The following ZNF512B variants were observed in gnomAD, a reference collection of about 807,000 sequenced individuals.
ZNF512B encodes zinc finger protein 512B.
ZNF512B carries 22 observed loss-of-function variants against 87.8 expected under a neutral mutation model. That is an observed-to-expected ratio of 0.25 (90% CI 0.18 to 0.36). The LOEUF (loss-of-function observed/expected upper bound fraction) is 0.36, where lower values mean the gene tolerates loss of function less well. Ranked by LOEUF, ZNF512B falls within the 10% of genes least tolerant of loss-of-function variation. ZNF512B has a pLI of 1.00. For synonymous variants in ZNF512B, 524 were observed against 490.9 expected, an observed-to-expected ratio of 1.07 and a Z score of -0.89; for missense variants, 1,060 against 1,231.6, an observed-to-expected ratio of 0.86 and a Z score of 2.09.
Position 63,961,072 on chromosome 20 carries a change from G to A in ZNF512B, c.2427+237C>T, listed in dbSNP as rs116678499. ...AGCACCTGCAGCAGGGCTGCTGGGG[G>A]CTGGAAAGGCGGACACCCCGAGGGC... On this transcript the variant is annotated intron_variant, in intron 16 of 16. Coordinates refer to ENST00000369888, the MANE Select transcript of ZNF512B (RefSeq NM_020713.3). The surrounding 1 kb of genome is among the most constrained non-coding windows in gnomAD (Gnocchi z 6.4). Among the ~76,000 whole-genome samples, 839 of 152,344 alleles carry A rather than the reference G, an allele frequency of 5.5e-3. 7 individuals are homozygous for A. Among genetic ancestry groups the A allele is most frequent in the African/African-American group, 0.018 (735 of 41,580 alleles).
In ZNF512B at chr20:63,963,835, CG is replaced by C; in HGVS notation, c.1558del (p.Arg520GlyfsTer69). On this transcript the variant is annotated frameshift_variant, in exon 9 of 17. Transcript: ENST00000369888. LOFTEE classifies it high-confidence loss of function. ...CTTCTTAAGCCCCACGAGAGTCTTC[CG>C]GGTGACCACGTTGCAGGTGGGGCAG... is the stretch of plus-strand genomic sequence containing the variant. ...AVCPTCNVVT[R>X]KTLVGLKKHM... 1 of 1,612,862 alleles carries C rather than the reference CG, an allele frequency of 6.2e-7. No homozygotes were observed. Among genetic ancestry groups the C allele is most frequent in the Non-Finnish European group, 8.5e-7 (1 of 1,180,002 alleles).
Position 63,961,010 on chromosome 20 carries a change from C to G in ZNF512B, c.2427+299G>C, listed in dbSNP as rs972534638. 2.0e-5 allele frequency among the ~76,000 whole-genome samples: 3 copies of G among 151,486 alleles called. No homozygotes were observed. The highest frequency in any genetic ancestry group is 4.4e-5 in the Non-Finnish European group (3 of 67,826). The stretch of plus-strand genomic sequence containing the variant: ...ACAGCCTTCGGGACCAGGCAAGCAC[C>G]TGCAGCAGGGCTGGACACAGCCTTC... On this transcript the variant is annotated intron_variant, in intron 16 of 16. Coordinates refer to ENST00000369888, the MANE Select transcript of ZNF512B (RefSeq NM_020713.3). This position sits in a 1 kb window ranked among gnomAD's most constrained non-coding sequence, Gnocchi z 6.4.
chr20:63,966,253 C>G lies in ZNF512B; in HGVS notation c.922G>C (p.Val308Leu), dbSNP rs762623240. 3 of 1,613,938 alleles carry G rather than the reference C, an allele frequency of 1.9e-6. No individual in the cohort carries two copies. The highest frequency in any genetic ancestry group is 4.5e-5 in the East Asian group (2 of 44,902). The change falls in exon 5 of 17, where the codon GTC becomes CTC. Residue 308 changes from valine to leucine, a missense_variant. By Grantham distance (32) the Val-to-Leu change is conservative (BLOSUM62 1). This residue lies in a region of ZNF512B where 201 missense variants were observed against 226.8 expected (regional missense o/e 0.89). Transcript: ENST00000369888. ...CTGCTGATAGCAATGGGCCTGCTGA[C>G]TGTCACCGGCTTGCTGACCACAATG... ...RPIVVSKPVT[V>L]SRPIAISRHT...
chr20:63,968,450 G>C (rs541608592), intron 1 of ZNF512B, among the ~76,000 whole-genome samples: 1 of 152,348 alleles, frequency 6.6e-6, no homozygotes, highest in African/African-American at 2.4e-5. Context: ...AGGCCCAGCA[G>C]TGGGGGCACA....
At chr20:63,967,798 C>A (rs1296699091) in intron 2 of ZNF512B, 32 bp downstream of exon 2, 2 of 1,599,956 alleles carry the variant, frequency 1.3e-6, no homozygotes. Context: ...CCAGAACCAT[C>A]TGGAATTGAC....
At position 63,962,677 on chromosome 20, in the gene ZNF512B, C is replaced by A. The variant is rs747303829; in HGVS notation, c.2073G>T (p.Val691=). Reference sequence around the variant, plus strand: ...CCTCCGCTATCTCCTGCAGGTGGAACACCGCCACCTGGGCCGACGTGCGGC... The same window carrying A: ...CCTCCGCTATCTCCTGCAGGTGGAAAACCGCCACCTGGGCCGACGTGCGGC... ...RVRRTSAQVA[V]FHLQEIAEDE... is the part of the protein sequence containing the mutation. The change falls in exon 13 of 17, where the codon GTG becomes GTT. Residue 691 remains valine (V), a synonymous_variant. Transcript: ENST00000369888. 1 of 1,605,238 alleles carries A rather than the reference C, an allele frequency of 6.2e-7. No individual in the cohort carries two copies. Among genetic ancestry groups the A allele is most frequent in the Non-Finnish European group, 8.5e-7 (1 of 1,177,290 alleles).
chr20:63,968,084 G>T (rs1007536575), intron 1 of ZNF512B, 132 bp from the exon 2 acceptor site: 3 of 1,214,292 alleles, frequency 2.5e-6, no homozygotes, highest in African/African-American at 1.5e-5. Context: ...CTGTGGTTTT[G>T]TTCACGTGGG....
chr20:63,968,846 T>G (rs2058953388), intron 1 of ZNF512B, among the ~76,000 whole-genome samples: 1 of 152,244 alleles, frequency 6.6e-6, no homozygotes, highest in Non-Finnish European at 1.5e-5. Flanking sequence ...CCCGAGGGCC[T>G]GTGCTGCTGG....
In ZNF512B at chr20:63,966,903, G is replaced by A; in HGVS notation, c.366C>T (p.Leu122=). 6.2e-7 allele frequency: 1 copy of A among 1,613,858 alleles called. No individual in the cohort carries two copies. Residue 122 remains leucine (L), a synonymous_variant, in exon 4 of 17, where the codon CTC becomes CTT. Coordinates refer to ENST00000369888, the MANE Select transcript of ZNF512B (RefSeq NM_020713.3). ...CTTGGCACCGCTGGTAATGGTACTTGAGCCCGTAGATGCTGGGGAACTCCA... is the reference window on the plus strand; with the variant it reads ...CTTGGCACCGCTGGTAATGGTACTTAAGCCCGTAGATGCTGGGGAACTCCA... ...CWLEFPSIYG[L]KYHYQRCQGG...
chr20:63,963,960 G>T, intron 8 of ZNF512B, 47 bp from the exon 9 acceptor site: 1 of 1,601,828 alleles, frequency 6.2e-7, no homozygotes, highest in Non-Finnish European at 8.5e-7. Context: ...GCTGCTGGGT[G>T]GCCCAGACGC....
In ZNF512B at chr20:63,961,180, C is replaced by T; in HGVS notation, c.2427+129G>A. 1.3e-6 allele frequency: 1 copy of T among 789,240 alleles called. No individual in the cohort carries two copies. The highest frequency in any genetic ancestry group is 2.2e-5 in the Admixed American group (1 of 45,614). The allele number at this position is 789,240 out of a possible 1,614,324, so 48.9% of individuals were successfully genotyped here. ...GAGGAGAAACTACCAGATTTCTCCA[C>T]ATTGGCCACTCTCCCAGGCACACCC... On this transcript the variant is annotated intron_variant, in intron 16 of 16. Coordinates refer to ENST00000369888, the MANE Select transcript of ZNF512B (RefSeq NM_020713.3). This position sits in a 1 kb window ranked among gnomAD's most constrained non-coding sequence, Gnocchi z 6.4.
chr20:63,967,441 C>T lies in ZNF512B; in HGVS notation c.204G>A (p.Lys68=), dbSNP rs766367338. ...GCCGCCCCTTTTTCTTCCCTTCTGTCTTGTCACTGGCTGGACTTCCCGGGT... is the reference window on the plus strand; with the variant it reads ...GCCGCCCCTTTTTCTTCCCTTCTGTTTTGTCACTGGCTGGACTTCCCGGGT... ...CFDPGSPASD[K]TEGKKKGRPK... The change falls in exon 3 of 17, where the codon AAG becomes AAA. Residue 68 remains lysine, a synonymous_variant. Transcript: ENST00000369888. 2 of 1,613,462 alleles carry T rather than the reference C, an allele frequency of 1.2e-6. No homozygotes were observed. Among genetic ancestry groups the T allele is most frequent in the South Asian group, 2.2e-5 (2 of 91,038 alleles).
chr20:63,959,792 GAT>G lies in ZNF512B; in HGVS notation c.*94_*95del. 6.9e-7 allele frequency: 1 copy of G among 1,447,782 alleles called. No individual in the cohort carries two copies. Among genetic ancestry groups the G allele is most frequent in the Non-Finnish European group, 9.1e-7 (1 of 1,099,670 alleles). 89.7% of individuals were successfully genotyped at this position (1,447,782 alleles called of 1,614,324 possible). A position where few individuals can be genotyped will look rare whatever the true frequency, so the allele number is the denominator to read the frequency against. On this transcript the variant is annotated 3_prime_UTR_variant, in exon 17 of 17. Coordinates refer to ENST00000369888, the MANE Select transcript of ZNF512B (RefSeq NM_020713.3). ...GACGGATGAAGAGGCGGGGGTGGGG[GAT>G]GGAGAACTGGAGGACAGAGGTCCCG... is the stretch of plus-strand genomic sequence containing the variant.
rs756114360 is a variant in ZNF512B at position 63,964,159 on chromosome 20, T to C, written c.1392A>G (p.Pro464=). ...RVHRSKKQEG[P]GPEDARKKVP... ...CCTTCTTCCGGGCGTCCTCAGGGCCTGGCCCCTCCTGCTTCTTGGAGCGGT... is the reference window on the plus strand; with the variant it reads ...CCTTCTTCCGGGCGTCCTCAGGGCCCGGCCCCTCCTGCTTCTTGGAGCGGT... The change falls in exon 8 of 17, where the codon CCA becomes CCG. Residue 464 remains proline (P), a synonymous_variant. Coordinates refer to ENST00000369888, the MANE Select transcript of ZNF512B (RefSeq NM_020713.3). 9 of 1,601,022 alleles carry C rather than the reference T, an allele frequency of 5.6e-6. No individual in the cohort carries two copies. The highest frequency in any genetic ancestry group is 3.4e-5 in the South Asian group (3 of 89,242).
chr20:63,963,125 G>T lies in ZNF512B; in HGVS notation c.1938C>A (p.Asp646Glu). 6.4e-7 allele frequency: 1 copy of T among 1,559,202 alleles called. No individual in the cohort carries two copies. Among genetic ancestry groups the T allele is most frequent in the Non-Finnish European group, 8.6e-7 (1 of 1,159,614 alleles). Reference protein sequence around the residue: ...GKTYRSKAGHDYHVRSEHTAP... With the variant: ...GKTYRSKAGHEYHVRSEHTAP... ...CCGTGTGCTCCGAGCGCACGTGGTA[G>T]TCGTGGCCAGCCTTGGATCGGTACG... The change falls in exon 12 of 17, where the codon GAC becomes GAA. Residue 646 changes from aspartate to glutamate, a missense_variant. By Grantham distance (45) the Asp-to-Glu change is conservative (BLOSUM62 2). Around this residue, in one of 9 missense-constraint regions of ZNF512B, gnomAD observed 165 missense variants for 173.0 expected, o/e 0.95. Transcript: ENST00000369888.
rs1463960106 is a variant in ZNF512B at position 63,967,100 on chromosome 20, A to ACTG, written c.265-97_265-96insCAG. 6.5e-4 allele frequency: 1,005 copies of ACTG among 1,549,808 alleles called. 5 individuals carry two copies. The African/African-American group carries it at 0.012, about 19-fold the overall frequency. On this transcript the variant is annotated intron_variant, in intron 3 of 16. Coordinates refer to ENST00000369888, the MANE Select transcript of ZNF512B (RefSeq NM_020713.3). ...CAGAGCCCCCCCGGGCCTGCAGGGC[A>ACTG]CACACACCACATGAGCCCCTCAACC...
intron 1 of ZNF512B, among the ~76,000 whole-genome samples, chr20:63,968,687 G>T (rs989166530): frequency 2.0e-5 from 3 of 152,178 alleles, no homozygotes; most frequent in Admixed American, 1.3e-4. Flanking sequence ...TTGGCAGGCT[G>T]ACCCGCCCCC....
chr20:63,964,296 G>A, intron 7 of ZNF512B, 24 bp downstream of exon 7: 1 of 1,613,864 alleles, frequency 6.2e-7, no homozygotes, highest in South Asian at 1.1e-5. Context: ...AGCCCTGGAG[G>A]TGCACACCGG....
rs781691995 is a variant in ZNF512B, at chr20:63,962,275, C to G, written c.2263G>C (p.Asp755His). ...KEKGHVNCPN[D>H]CCEAIYSSVS... The stretch of plus-strand genomic sequence containing the variant: ...CCCACCCGGCTGCCTCCGCTCACGT[C>G]GTTGGGACAGTTGACGTGGCCTTTC... Residue 755 changes from aspartate (D) to histidine (H), a missense_variant and splice_region_variant, in exon 14 of 17, where the codon GAC becomes CAC. Physicochemically the swap from Asp to His is moderately conservative, Grantham distance 81 (BLOSUM62 -1). Around this residue, in one of 9 missense-constraint regions of ZNF512B, gnomAD observed 253 missense variants for 259.2 expected, o/e 0.98. Transcript: ENST00000369888. 1.2e-6 allele frequency: 2 copies of G among 1,610,190 alleles called. No individual in the cohort carries two copies. The highest frequency in any genetic ancestry group is 2.7e-5 in the African/African-American group (2 of 74,904).
Sources: gnomAD v4.1 joint callset for allele counts (sites outside exome capture counted in the v4.1 genomes callset) on GRCh38, gnomAD v4.1.1 for gene constraint, gnomAD v4.1.1 regional missense constraint, Gnocchi (gnomAD v3.1) non-coding constraint, MANE v1.5 for transcripts, NCBI Gene and HGNC (gene_info 2026-07-23, HGNC 2026-07-21) for gene names.